Variants in PLCH1 observed in about 807,000 individuals in gnomAD.
PLCH1 encodes the protein phospholipase C eta 1, also known as 1-phosphatidylinositol 4,5-bisphosphate phosphodiesterase eta-1.
Under a neutral mutation model 126.7 loss-of-function variants are expected in PLCH1, and 60 were observed. That is an observed-to-expected ratio of 0.47 (90% CI 0.38 to 0.59). The LOEUF is 0.59. PLCH1 is among the 20% of genes least tolerant of loss of function. The probability of loss-of-function intolerance (pLI) is 0.00; values close to 1 mark genes in which losing one functional copy is unlikely to be tolerated. For missense variants in PLCH1, 1,723 were observed against 2,040.0 expected, an observed-to-expected ratio of 0.84 and a Z score of 2.99; for synonymous variants, 719 against 734.9, an observed-to-expected ratio of 0.98 and a Z score of 0.35.
chr3:155,610,077 C>A (rs1234249447), intron 2 of PLCH1, among the ~76,000 whole-genome samples: 4 of 152,074 alleles, frequency 2.6e-5, no homozygotes, highest in African/African-American at 9.7e-5. Context: ...AAGACCATCA[C>A]CACTGGGTGC....
intron 2 of PLCH1, among the ~76,000 whole-genome samples, chr3:155,603,902 A>G (rs1341644194): frequency 3.3e-5 from 5 of 152,134 alleles, no homozygotes; most frequent in Non-Finnish European, 7.4e-5. Flanking sequence ...GTTCGAGACC[A>G]GCCAGGACCA....
chr3:155,536,601 G>GA (rs1441435152), intron 10 of PLCH1, among the ~76,000 whole-genome samples: 1 of 151,972 alleles, frequency 6.6e-6, no homozygotes, highest in African/African-American at 2.4e-5. Flanking sequence ...CAAGGCTTTT[G>GA]AATTAACCCA....
At chr3:155,471,832 A>G (rs1384552724) in intron 21 of PLCH1, among the ~76,000 whole-genome samples, 4 of 152,142 alleles carry the variant, frequency 2.6e-5, no homozygotes, top group African/African-American at 7.2e-5. Flanking sequence ...TAACTACTGG[A>G]TACATAACGA....
intron 2 of PLCH1, among the ~76,000 whole-genome samples, chr3:155,606,665 A>C (rs1734406379): frequency 6.6e-6 from 1 of 152,234 alleles, no homozygotes; most frequent in Non-Finnish European, 1.5e-5. Flanking sequence ...TTTAGATAAG[A>C]AAAACATGCT....
intron 2 of PLCH1, among the ~76,000 whole-genome samples, chr3:155,653,217 C>T (rs1740952501): frequency 6.6e-6 from 1 of 152,056 alleles, no homozygotes; most frequent in Non-Finnish European, 1.5e-5. Context: ...TGCAGTCTCA[C>T]TGTGTTGCCC....
chr3:155,471,776 C>T (rs1458406475), intron 21 of PLCH1, among the ~76,000 whole-genome samples: 2 of 152,070 alleles, frequency 1.3e-5, no homozygotes, highest in Non-Finnish European at 2.9e-5. Context: ...AAGAATCTCA[C>T]TCAAAATCGC....
In PLCH1 at chr3:155,485,435, A is replaced by G; in HGVS notation, c.2895T>C (p.Val965=). 6.2e-7 allele frequency: 1 copy of G among 1,612,938 alleles called. No individual in the cohort carries two copies. The change falls in exon 22 of 23, where the codon GTT becomes GTC. Residue 965 remains valine (V), a synonymous_variant. Coordinates refer to ENST00000460012, the MANE Select transcript of PLCH1 (RefSeq NM_014996.4). The part of the protein sequence containing the change: ...SLQARPVSMP[V]DRNLLGALSL... Reference sequence around the variant, plus strand: ...ACAAAGCTCCCAGAAGGTTTCTGTCAACAGGCATAGAGACAGGGCGTGCTT... The same window carrying G: ...ACAAAGCTCCCAGAAGGTTTCTGTCGACAGGCATAGAGACAGGGCGTGCTT...
At chr3:155,640,037 C>A (rs1739224562) in intron 2 of PLCH1, among the ~76,000 whole-genome samples, 1 of 152,222 alleles carries the variant, frequency 6.6e-6, no homozygotes, top group African/African-American at 2.4e-5. Context: ...GCCTGCAGAA[C>A]TGTGAGTCTT....
chr3:155,732,992 G>A (rs1021593248), intron 1 of PLCH1, among the ~76,000 whole-genome samples: 3 of 150,768 alleles, frequency 2.0e-5, no homozygotes, highest in African/African-American at 4.9e-5. Context: ...AAAATACGTA[G>A]GAATAAATTT....
chr3:155,545,334 C>A (rs1462062029), intron 10 of PLCH1, among the ~76,000 whole-genome samples: 1 of 151,948 alleles, frequency 6.6e-6, no homozygotes, highest in Admixed American at 6.6e-5. Context: ...CAAGACTAAA[C>A]CAGGAAGAAG....
At chr3:155,594,743 G>A (rs1162352695) in intron 3 of PLCH1, among the ~76,000 whole-genome samples, 1 of 152,050 alleles carries the variant, frequency 6.6e-6, no homozygotes, top group Non-Finnish European at 1.5e-5. Flanking sequence ...AATTCAGGAC[G>A]TGTTGAAATT....
chr3:155,607,039 C>CA (rs1396071875), intron 2 of PLCH1, among the ~76,000 whole-genome samples: 1 of 152,138 alleles, frequency 6.6e-6, no homozygotes, highest in African/African-American at 2.4e-5. Context: ...TTTTCCTGGA[C>CA]AAAATGGTGT....
downstream of PLCH1, among the ~76,000 whole-genome samples, chr3:155,475,785 A>T (rs1472405047): frequency 1.3e-5 from 2 of 152,100 alleles, no homozygotes; most frequent in Non-Finnish European, 2.9e-5. Context: ...AACCCAAACA[A>T]ATTGATAACA....
Position 155,485,660 on chromosome 3 carries a change from G to A in PLCH1, c.2670C>T (p.His890=). The A allele has an allele frequency of 1.2e-6, 2 of 1,607,506 alleles. No homozygotes were observed. The highest frequency in any genetic ancestry group is 1.1e-5 in the South Asian group (1 of 91,076). Reference sequence around the variant, plus strand: ...AATGGGAATTGTTTTCTGAAGAACTGTGCCTAGGATTCTTATTGAACAGTC... The same window carrying A: ...AATGGGAATTGTTTTCTGAAGAACTATGCCTAGGATTCTTATTGAACAGTC... ...LKGLFNKNPR[H]SSSENNSHYV... is the part of the protein sequence containing the mutation. Residue 890 remains histidine, a synonymous_variant, in exon 22 of 23, where the codon CAC becomes CAT. Coordinates refer to ENST00000460012, the MANE Select transcript of PLCH1 (RefSeq NM_014996.4).
intron 2 of PLCH1, among the ~76,000 whole-genome samples, chr3:155,698,986 CT>C (rs35308889): frequency 0.17 from 22,835 of 138,078 alleles, 2,785 homozygotes; most frequent in African/African-American, 0.36. Flanking sequence ...GGCCTATCTT[CT>C]TTTTTTTTTT....
rs141655472 is a variant in PLCH1 at position 155,451,998 on chromosome 3, C to T, written c.2938+33358G>A. Reference sequence around the variant, plus strand: ...TCCTTATAATAAATCTCTCTCAATCCCTCTCTCTCTGTCTCTCTCTCACAC... The same window carrying T: ...TCCTTATAATAAATCTCTCTCAATCTCTCTCTCTCTGTCTCTCTCTCACAC... On this transcript the variant is annotated intron_variant, in intron 21 of 21. Transcript: ENST00000494598. Among the ~76,000 whole-genome samples, 9 of 152,170 alleles carry T rather than the reference C, an allele frequency of 5.9e-5. No homozygotes were observed. The East Asian group carries it at 1.7e-3, about 29-fold the overall frequency.
chr3:155,607,320 G>A (rs2320187), intron 2 of PLCH1, among the ~76,000 whole-genome samples: 28,899 of 151,914 alleles, frequency 0.19, 3,562 homozygotes, highest in African/African-American at 0.35. Flanking sequence ...TTATATAAAA[G>A]AGCCCTAATA....
intron 21 of PLCH1, among the ~76,000 whole-genome samples, chr3:155,465,493 G>A (rs1257482788): frequency 6.6e-6 from 1 of 152,072 alleles, no homozygotes; most frequent in Admixed American, 6.5e-5. Flanking sequence ...TAGGTATTAT[G>A]TCAAGGGCCT....
At chr3:155,465,453 C>T (rs1712893320) in intron 21 of PLCH1, among the ~76,000 whole-genome samples, 1 of 151,976 alleles carries the variant, frequency 6.6e-6, no homozygotes, top group Non-Finnish European at 1.5e-5. Flanking sequence ...CTGAAGAGTA[C>T]TTGGACCCCA....
Sources: gnomAD v4.1 joint callset for allele counts (sites outside exome capture counted in the v4.1 genomes callset) on GRCh38, gnomAD v4.1.1 for gene constraint, MANE v1.5 for transcripts, NCBI Gene and HGNC (gene_info 2026-07-23, HGNC 2026-07-21) for gene names.